The following OTUD7B variants were observed in gnomAD, a reference collection of about 807,000 sequenced individuals.
The protein encoded by OTUD7B is OTU deubiquitinase 7B.
In OTUD7B, 34 loss-of-function variants were observed where a neutral mutation model predicts 82.2. The observed-to-expected ratio is 0.41, with a 90% confidence interval of 0.31 to 0.55. The LOEUF (loss-of-function observed/expected upper bound fraction) is 0.55, where lower values mean the gene tolerates loss of function less well. Ranked by LOEUF, OTUD7B falls within the 20% of genes least tolerant of loss-of-function variation. The pLI is 0.20. For missense variants in OTUD7B, 944 were observed against 1,062.1 expected (o/e 0.89, Z 1.55); for synonymous variants, 398 against 402.7 (o/e 0.99, Z 0.14).
intron 7 of OTUD7B, among the ~76,000 whole-genome samples, chr1:149,954,023 T>C (rs1010802953): frequency 2.6e-5 from 4 of 152,184 alleles, no homozygotes; most frequent in East Asian, 1.9e-4. Flanking sequence ...CGTTTCCTAA[T>C]TGAATACCCT....
rs1647591229 is a variant in OTUD7B, at chr1:149,944,930, TCTC to T, written c.1456_1458del (p.Glu486del). ...TCCTTCTCCCGATCTCGCTTTGACT[TCTC>T]CTTCCGCCGGCCGCCCTCGTTGCTG... On this transcript the variant is annotated inframe_deletion, in exon 12 of 12. Transcript: ENST00000581312. The T allele has an allele frequency of 6.2e-7, 1 of 1,614,114 alleles. No homozygotes were observed. Among genetic ancestry groups the T allele is most frequent in the East Asian group, 2.2e-5 (1 of 44,868 alleles).
chr1:149,949,005 C>T lies in OTUD7B; in HGVS notation c.1202G>A (p.Trp401Ter), dbSNP rs199956766. 1 of 1,613,874 alleles carries T rather than the reference C, an allele frequency of 6.2e-7. No homozygotes were observed. The change falls in exon 10 of 12, where the codon TGG becomes TAG. Residue 401 changes from tryptophan to a stop codon, truncating the protein, a stop_gained. Coordinates refer to ENST00000581312, the MANE Select transcript of OTUD7B (RefSeq NM_020205.4). LOFTEE classifies it high-confidence loss of function. The part of the protein sequence containing the change: ...FAVDPGKGWE[W>*]GKDDSDNVRL... ...GACATTGTCACTATCATCTTTGCCC[C>T]ACTCCCAGCCCTTTCCAGGGTCCAC...
chr1:149,944,348 C>T lies in OTUD7B; in HGVS notation c.2041G>A (p.Ala681Thr). 1 of 1,613,256 alleles carries T rather than the reference C, an allele frequency of 6.2e-7. No homozygotes were observed. Among genetic ancestry groups the T allele is most frequent in the South Asian group, 1.1e-5 (1 of 90,984 alleles). The change falls in exon 12 of 12, where the codon GCA becomes ACA. Residue 681 changes from alanine (A) to threonine (T), a missense_variant. This residue lies in a region of OTUD7B where 412 missense variants were observed against 418.7 expected (regional missense o/e 0.98). Coordinates refer to ENST00000581312, the MANE Select transcript of OTUD7B (RefSeq NM_020205.4). The part of the protein sequence containing the change: ...AREEQPTGPP[A>T]ESRAMAFSTG... ...GAAAATGCCATTGCCCTGGACTCTGCTGGGGGACCGGTCGGCTGCTCTTCC... is the reference window on the plus strand; with the variant it reads ...GAAAATGCCATTGCCCTGGACTCTGTTGGGGGACCGGTCGGCTGCTCTTCC...
the OTUD7B span, among the ~76,000 whole-genome samples, chr1:150,062,842 G>A: frequency 6.7e-6 from 1 of 150,066 alleles, no homozygotes; most frequent in Non-Finnish European, 1.5e-5. Context: ...AGCCTCCTGA[G>A]TACCTGGGAT....
At chr1:149,965,692 G>C in intron 5 of OTUD7B, 85 bp downstream of exon 5, 2 of 937,950 alleles carry the variant, frequency 2.1e-6, no homozygotes, top group East Asian at 5.1e-5. Flanking sequence ...TAAGATCAAG[G>C]TTATCTGGAT....
Position 149,940,627 on chromosome 1 carries a change from C to G in OTUD7B, c.*3230G>C, listed in dbSNP as rs2092754997. ...GGAACTAAGTGCACTTAAATTTAAG[C>G]CTGAGAGATGATATCATCCCTCACT... On this transcript the variant is annotated 3_prime_UTR_variant, in exon 12 of 12. Transcript: ENST00000581312. The G allele has an allele frequency of 6.6e-6, 1 of 152,066 alleles. No homozygotes were observed. Among genetic ancestry groups the G allele is most frequent in the Non-Finnish European group, 1.5e-5 (1 of 68,018 alleles). The allele number at this position is 152,066 out of a possible 1,614,324, so 9.4% of individuals were successfully genotyped here.
At chr1:150,048,963 G>A in the OTUD7B span, among the ~76,000 whole-genome samples, 9 of 152,054 alleles carry the variant, frequency 5.9e-5, no homozygotes, top group African/African-American at 1.9e-4. Context: ...CTCCTGAGTG[G>A]CTAGGATTAC....
upstream of OTUD7B, among the ~76,000 whole-genome samples, chr1:150,014,689 T>C (rs74126211): frequency 6.6e-6 from 1 of 152,090 alleles, no homozygotes; most frequent in Non-Finnish European, 1.5e-5. Context: ...TTGGACTCAT[T>C]TGTGGTGCAA....
chr1:149,996,985 C>G lies in OTUD7B; in HGVS notation c.-67+13463G>C, dbSNP rs587700483. On this transcript the variant is annotated intron_variant, in intron 1 of 11. Transcript: ENST00000581312. Reference sequence around the variant, plus strand: ...AGGATTTCTTGTGAGCATTACCTAGCAGAAAACATTTAAAAATGCTTAAAA... The same window carrying G: ...AGGATTTCTTGTGAGCATTACCTAGGAGAAAACATTTAAAAATGCTTAAAA... Among the ~76,000 whole-genome samples, 16 of 152,270 alleles carry G rather than the reference C, an allele frequency of 1.1e-4. No homozygotes were observed. In the East Asian group the frequency reaches 2.5e-3, roughly 24 times the overall value.
chr1:149,950,154 C>T lies in OTUD7B; in HGVS notation c.913G>A (p.Val305Met). 1 of 1,614,148 alleles carries T rather than the reference C, an allele frequency of 6.2e-7. No individual in the cohort carries two copies. Among genetic ancestry groups the T allele is most frequent in the Non-Finnish European group, 8.5e-7 (1 of 1,180,010 alleles). Residue 305 changes from valine to methionine, a missense_variant, in exon 8 of 12, where the codon GTG becomes ATG. Coordinates refer to ENST00000581312, the MANE Select transcript of OTUD7B (RefSeq NM_020205.4). ...ACGACGACTATGGGCCTCCTAAGCACATGAGCAAGGACAAAGACGTGAAAC... is the reference window on the plus strand; with the variant it reads ...ACGACGACTATGGGCCTCCTAAGCATATGAGCAAGGACAAAGACGTGAAAC... ...EEFHVFVLAH[V>M]LRRPIVVVAD...
the OTUD7B span, among the ~76,000 whole-genome samples, chr1:150,058,039 T>A: frequency 1.3e-5 from 2 of 152,168 alleles, no homozygotes; most frequent in Admixed American, 6.5e-5. Flanking sequence ...TAGAATTGGA[T>A]GAAGGATTGT....
At chr1:149,953,969 A>G (rs939473395) in intron 7 of OTUD7B, among the ~76,000 whole-genome samples, 8 of 152,192 alleles carry the variant, frequency 5.3e-5, no homozygotes, top group Non-Finnish European at 1.2e-4. Context: ...GGTTTTCTAA[A>G]TATACAATCA....
At chr1:150,052,816 C>CAAAAAAAA in the OTUD7B span, among the ~76,000 whole-genome samples, 8 of 9,418 alleles carry the variant, frequency 8.5e-4, no homozygotes, top group African/African-American at 1.4e-3. Context: ...CAAACGAAAA[C>CAAAAAAAA]AAAAAACAAA....
At chr1:150,047,815 G>A in the OTUD7B span, 1 of 152,190 alleles carries the variant, frequency 6.6e-6, no homozygotes, top group Admixed American at 6.5e-5. Context: ...AGCTGGGCAT[G>A]GTGGTGCGTC....
chr1:149,969,734 C>T (rs1383409435), intron 3 of OTUD7B, among the ~76,000 whole-genome samples: 2 of 152,078 alleles, frequency 1.3e-5, no homozygotes, highest in African/African-American at 4.8e-5. Flanking sequence ...AGTCTCACTC[C>T]GTCACCCAGG....
chr1:149,982,801 C>G (rs1650855209), intron 1 of OTUD7B, among the ~76,000 whole-genome samples: 1 of 146,312 alleles, frequency 6.8e-6, no homozygotes, highest in Non-Finnish European at 1.5e-5. Flanking sequence ...ACATTTTACT[C>G]TGGCCACAAC....
At chr1:149,965,961 A>G (rs1649496496) in intron 4 of OTUD7B, 83 bp from the exon 5 acceptor site, 1 of 1,106,698 alleles carries the variant, frequency 9.0e-7, no homozygotes, top group Non-Finnish European at 1.4e-6. Flanking sequence ...ACTCCAAAGC[A>G]GCCTCCTCTA....
At chr1:149,999,225 G>A (rs587756468) in intron 1 of OTUD7B, among the ~76,000 whole-genome samples, 3 of 152,308 alleles carry the variant, frequency 2.0e-5, no homozygotes, top group Admixed American at 6.5e-5. Context: ...TTACAAAGAT[G>A]TGAGAAAGAA....
chr1:149,978,660 T>C (rs1650496532), intron 1 of OTUD7B, among the ~76,000 whole-genome samples: 1 of 152,202 alleles, frequency 6.6e-6, no homozygotes. Context: ...ACAGGACAGA[T>C]GACTGTCAAA....
Sources: allele counts gnomAD v4.1 joint callset (sites outside exome capture counted in the v4.1 genomes callset), GRCh38; gene constraint gnomAD v4.1.1; regional missense constraint gnomAD v4.1.1; transcripts MANE v1.5; gene names NCBI Gene and HGNC (gene_info 2026-07-23, HGNC 2026-07-21).